Variants in TCAF1 observed in about 807,000 individuals in gnomAD.
TCAF1 encodes the protein TRPM8 channel associated factor 1.
TCAF1 carries 4 observed loss-of-function variants against 27.3 expected under a neutral mutation model. That is an observed-to-expected ratio of 0.15 (90% confidence interval 0.07 to 0.34). The LOEUF (loss-of-function observed/expected upper bound fraction) is 0.34. Among genes scored for constraint, TCAF1 ranks in the 10% least tolerant of loss-of-function variants. The pLI is 1.00. For missense variants in TCAF1, 257 were observed against 425.8 expected, an observed-to-expected ratio of 0.60 and a Z score of 3.49; for synonymous variants, 105 against 167.1, an observed-to-expected ratio of 0.63 and a Z score of 2.87.
intron 1 of TCAF1, among the ~76,000 whole-genome samples, chr7:143,876,933 G>A (rs137875797): frequency 6.6e-6 from 1 of 152,174 alleles, no homozygotes; most frequent in Admixed American, 6.5e-5. Flanking sequence ...CTAACCCATA[G>A]GACTTATTTG....
Position 143,859,886 on chromosome 7 carries a change from T to C in TCAF1, c.2167+322A>G, listed in dbSNP as rs764887643. ...ATACACATATACATATATACATATA[T>C]ATAATATATATTATATAATATATAT... On this transcript the variant is annotated intron_variant, in intron 6 of 8. Coordinates refer to ENST00000479870, the MANE Select transcript of TCAF1 (RefSeq NM_014719.3). 1.8e-3 allele frequency among the ~76,000 whole-genome samples: 164 copies of C among 92,050 alleles called. 4 individuals are homozygous for C. The highest frequency in any genetic ancestry group is 6.9e-3 in the African/African-American group (141 of 20,416). 60.4% of individuals were successfully genotyped at this position (92,050 alleles called of 152,430 possible). A position where few individuals can be genotyped will look rare whatever the true frequency, so the allele number is the denominator to read the frequency against.
At chr7:143,886,460 T>C (rs1483500806) in intron 1 of TCAF1, 4 of 973,870 alleles carry the variant, frequency 4.1e-6, no homozygotes, top group Non-Finnish European at 4.9e-6. Context: ...ACAGGAAGCA[T>C]AGGTTAAGAA....
At chr7:143,887,034 C>T (rs965019326) in intron 1 of TCAF1, among the ~76,000 whole-genome samples, 5 of 151,940 alleles carry the variant, frequency 3.3e-5, no homozygotes, top group Non-Finnish European at 5.9e-5. Flanking sequence ...CTGGTTCTAT[C>T]TCCTCTTTCT....
Position 143,882,774 on chromosome 7 carries a change from G to A in TCAF1, c.-14-6152C>T, listed in dbSNP as rs572930344. The stretch of plus-strand genomic sequence containing the variant: ...GATTTCCACGGGGGCAGGTGGGAGC[G>A]GGCAGAGCCTGGCGCAGAGAGGAAT... On this transcript the variant is annotated intron_variant, in intron 1 of 8. Coordinates refer to ENST00000479870, the MANE Select transcript of TCAF1 (RefSeq NM_014719.3). The A allele has an allele frequency of 1.8e-3, 1,754 of 985,780 alleles. 3 individuals carry two copies. The highest frequency in any genetic ancestry group is 2.0e-3 in the Non-Finnish European group (1,684 of 830,238). 61.1% of individuals were successfully genotyped at this position (985,780 alleles called of 1,614,324 possible).
At chr7:143,859,883 A>ATATAATATATAT (rs1811796114) in intron 6 of TCAF1, among the ~76,000 whole-genome samples, 2 of 88,056 alleles carry the variant, frequency 2.3e-5, no homozygotes, top group Non-Finnish European at 4.1e-5. Flanking sequence ...ATATATACAT[A>ATATAATATATAT]TATATAATAT....
At chr7:143,883,127 A>G (rs1813172291) in intron 1 of TCAF1, among the ~76,000 whole-genome samples, 1 of 152,204 alleles carries the variant, frequency 6.6e-6, no homozygotes, top group Non-Finnish European at 1.5e-5. Context: ...ATTGTGGGAC[A>G]AACATTCTGC....
Position 143,853,200 on chromosome 7 carries a change from A to T in TCAF1, c.*933T>A, listed in dbSNP as rs1811412728. 1 of 151,790 alleles carries T rather than the reference A, an allele frequency of 6.6e-6. No individual in the cohort carries two copies. The highest frequency in any genetic ancestry group is 2.4e-5 in the African/African-American group (1 of 41,212). The allele number at this position is 151,790 out of a possible 1,614,324, so 9.4% of individuals were successfully genotyped here. A position where few individuals can be genotyped will look rare whatever the true frequency, so the allele number is the denominator to read the frequency against. ...TGGGCTCAAGTGATCTTCCCACTTC[A>T]GCCTCCCAAGTAGCTAGGACCACAG... is the stretch of plus-strand genomic sequence containing the variant. On this transcript the variant is annotated 3_prime_UTR_variant, in exon 9 of 9. Coordinates refer to ENST00000479870, the MANE Select transcript of TCAF1 (RefSeq NM_014719.3).
At chr7:143,899,756 C>T (rs187883468) in intron 1 of TCAF1, among the ~76,000 whole-genome samples, 14 of 152,220 alleles carry the variant, frequency 9.2e-5, no homozygotes, top group South Asian at 2.1e-4. Flanking sequence ...ATTACTGCTT[C>T]GTACCCAGAT....
chr7:143,875,174 T>A (rs1812621126), intron 2 of TCAF1, among the ~76,000 whole-genome samples: 1 of 152,202 alleles, frequency 6.6e-6, no homozygotes, highest in South Asian at 2.1e-4. Flanking sequence ...AATATCAGTG[T>A]TGTTTGTTCT....
chr7:143,885,004 C>T (rs1813318195), intron 1 of TCAF1: 1 of 985,260 alleles, frequency 1.0e-6, no homozygotes, highest in Non-Finnish European at 1.2e-6. Flanking sequence ...TCCCTGGACC[C>T]AAAACCCAAG....
At chr7:143,885,440 G>A (rs1206357494) in intron 1 of TCAF1, 32 of 985,326 alleles carry the variant, frequency 3.2e-5, no homozygotes, top group Middle Eastern at 5.2e-4. Context: ...GCCGCCCCCG[G>A]ACCGCAGAGG....
At chr7:143,883,967 T>G (rs1446712213) in intron 1 of TCAF1, among the ~76,000 whole-genome samples, 3 of 152,170 alleles carry the variant, frequency 2.0e-5, no homozygotes, top group Non-Finnish European at 4.4e-5. Context: ...AGAGCTACAC[T>G]TTACCAACGG....
chr7:143,888,953 G>C (rs1813531968), intron 1 of TCAF1, among the ~76,000 whole-genome samples: 1 of 151,614 alleles, frequency 6.6e-6, no homozygotes, highest in African/African-American at 2.4e-5. Flanking sequence ...AACTTGAACA[G>C]AAAATAATTG....
intron 2 of TCAF1, among the ~76,000 whole-genome samples, chr7:143,875,027 A>G (rs188408216): frequency 2.7e-4 from 41 of 152,308 alleles, no homozygotes; most frequent in Non-Finnish European, 5.6e-4. Flanking sequence ...TAGACTAACT[A>G]TTCTGGTTGA....
intron 1 of TCAF1, chr7:143,884,879 T>C: frequency 6.6e-6 from 3 of 451,680 alleles, no homozygotes; most frequent in Non-Finnish European, 8.8e-6. Context: ...ATGTTGCTGG[T>C]TATGTTCCTG....
At chr7:143,897,131 A>AAAATATATAT (rs1813903380) in intron 1 of TCAF1, among the ~76,000 whole-genome samples, 2 of 80,384 alleles carry the variant, frequency 2.5e-5, no homozygotes, top group South Asian at 4.6e-4. Context: ...GTTAATCTTG[A>AAAATATATAT]ATATATATAT....
intron 1 of TCAF1, among the ~76,000 whole-genome samples, chr7:143,898,345 G>A (rs893475646): frequency 2.6e-5 from 4 of 152,034 alleles, no homozygotes; most frequent in African/African-American, 9.7e-5. Context: ...CCTAGTCATT[G>A]TCATAAGACA....
chr7:143,859,870 TAC>T lies in TCAF1; in HGVS notation c.2167+336_2167+337del, dbSNP rs1344327592. Reference sequence around the variant, plus strand: ...ACCTAAACTGTTTTATATACACATATACATATATACATATATATAATATATAT... The same window carrying T: ...ACCTAAACTGTTTTATATACACATATATATATACATATATATAATATATAT... On this transcript the variant is annotated intron_variant, in intron 6 of 8. Coordinates refer to ENST00000479870, the MANE Select transcript of TCAF1 (RefSeq NM_014719.3). Among the ~76,000 whole-genome samples, 181 of 121,034 alleles carry T rather than the reference TAC, an allele frequency of 1.5e-3. 5 individuals are homozygous for T. The highest frequency in any genetic ancestry group is 2.6e-3 in the African/African-American group (82 of 31,716). 79.4% of individuals were successfully genotyped at this position (121,034 alleles called of 152,430 possible). A position where few individuals can be genotyped will look rare whatever the true frequency, so the allele number is the denominator to read the frequency against.
At chr7:143,875,966 C>A in intron 2 of TCAF1, 23 bp downstream of exon 2, 12 of 1,521,598 alleles carry the variant, frequency 7.9e-6, no homozygotes, top group Non-Finnish European at 1.1e-5. Flanking sequence ...GGAGCCAACT[C>A]CCCAGTGGGG....
Sources: gnomAD v4.1 joint callset for allele counts (sites outside exome capture counted in the v4.1 genomes callset) on GRCh38, gnomAD v4.1.1 for gene constraint, MANE v1.5 for transcripts, NCBI Gene and HGNC (gene_info 2026-07-23, HGNC 2026-07-21) for gene names.